The following PLXDC2 variants were observed in gnomAD, a reference collection of about 807,000 sequenced individuals.
The protein encoded by PLXDC2 is plexin domain-containing protein 2.
Under a neutral mutation model 68.9 loss-of-function variants are expected in PLXDC2, and 40 were observed. The ratio of observed to expected loss-of-function variants is 0.58; its 90% CI spans 0.45 to 0.76. The LOEUF is 0.76. PLXDC2 is among the 30% of genes least tolerant of loss of function. The pLI is 0.00. For missense variants in PLXDC2, 644 were observed against 661.9 expected (o/e 0.97, Z 0.30); for synonymous variants, 243 against 234.2 (o/e 1.04, Z -0.34).
At chr10:19,955,155 A>G (rs1460014636) in intron 1 of PLXDC2, among the ~76,000 whole-genome samples, 1 of 137,572 alleles carries the variant, frequency 7.3e-6, no homozygotes, top group Non-Finnish European at 1.5e-5. Flanking sequence ...TCTTCTGAGT[A>G]GCTGGGACTA....
intron 4 of PLXDC2, among the ~76,000 whole-genome samples, chr10:20,140,651 T>A (rs1410912534): frequency 1.3e-5 from 2 of 152,070 alleles, no homozygotes; most frequent in Non-Finnish European, 1.5e-5. Flanking sequence ...GAAGTGATAT[T>A]TTTAAAATCT....
At chr10:20,239,703 G>A (rs999249854) in intron 12 of PLXDC2, among the ~76,000 whole-genome samples, 1 of 152,148 alleles carries the variant, frequency 6.6e-6, no homozygotes, top group Non-Finnish European at 1.5e-5. Context: ...TGAGAAGTTT[G>A]TCCCTGAAGC....
chr10:20,179,359 G>A (rs1042098341), intron 9 of PLXDC2, among the ~76,000 whole-genome samples: 1 of 152,014 alleles, frequency 6.6e-6, no homozygotes, highest in Admixed American at 6.6e-5. Context: ...TATCTCCAGA[G>A]CCTAAGAACA....
At chr10:20,175,564 T>G (rs1396265910) in intron 7 of PLXDC2, among the ~76,000 whole-genome samples, 1 of 151,926 alleles carries the variant, frequency 6.6e-6, no homozygotes, top group African/African-American at 2.4e-5. Context: ...TGCATTGGAG[T>G]AGGCCTGTAA....
intron 1 of PLXDC2, among the ~76,000 whole-genome samples, chr10:19,844,645 G>T (rs1469158708): frequency 2.0e-5 from 3 of 151,602 alleles, no homozygotes; most frequent in Admixed American, 1.3e-4. Flanking sequence ...GTCTGGGCTG[G>T]AGTGCAGTGG....
chr10:20,047,121 A>G, intron 3 of PLXDC2, 106 bp downstream of exon 3: 1 of 1,198,402 alleles, frequency 8.3e-7, no homozygotes, highest in Admixed American at 3.1e-5. Flanking sequence ...AAATATTAGA[A>G]TGGCCTTATC....
chr10:20,003,228 AC>A (rs1219177985), intron 2 of PLXDC2, among the ~76,000 whole-genome samples: 1 of 152,154 alleles, frequency 6.6e-6, no homozygotes, highest in Non-Finnish European at 1.5e-5. Flanking sequence ...AAAAGCGAAG[AC>A]CACCCAAATG....
At chr10:20,073,684 T>C (rs1449884740) in intron 4 of PLXDC2, among the ~76,000 whole-genome samples, 1 of 152,214 alleles carries the variant, frequency 6.6e-6, no homozygotes, top group Non-Finnish European at 1.5e-5. Flanking sequence ...TACTTCAGAA[T>C]ACAAATATTT....
rs1445793080 is a variant in PLXDC2, at chr10:20,077,914, GTTC to G, written c.541+9683_541+9685del. The stretch of plus-strand genomic sequence containing the variant: ...CTGAAAAAACATTTTTTTCTCTCTT[GTTC>G]TTCTTCTCCTCCTCCTTCTCCCCTT... On this transcript the variant is annotated intron_variant, in intron 4 of 13. Coordinates refer to ENST00000377252, the MANE Select transcript of PLXDC2 (RefSeq NM_032812.9). Among the ~76,000 whole-genome samples the G allele has an allele frequency of 3.9e-5, 6 of 152,038 alleles. No individual in the cohort carries two copies. In the East Asian group the frequency reaches 7.7e-4, roughly 20 times the overall value.
chr10:20,215,367 G>A (rs1564356260), intron 10 of PLXDC2, among the ~76,000 whole-genome samples: 1 of 152,086 alleles, frequency 6.6e-6, no homozygotes, highest in Non-Finnish European at 1.5e-5. Context: ...GGAAAGCTGG[G>A]AGTCTGAGAA....
rs1834528183 is a variant in PLXDC2, at chr10:20,176,419, T to C, written c.884-580T>C. Among the ~76,000 whole-genome samples the C allele has an allele frequency of 3.9e-5, 6 of 152,178 alleles. No homozygotes were observed. In the South Asian group the frequency reaches 1.2e-3, roughly 32 times the overall value. On this transcript the variant is annotated intron_variant, in intron 7 of 13. Coordinates refer to ENST00000377252, the MANE Select transcript of PLXDC2 (RefSeq NM_032812.9). ...GTGTGTGTGTGTGTGTGTGTGTCTG[T>C]CGTGAGAACACTTAAAAATCTATTC...
chr10:20,269,673 A>G (rs1340823069), intron 13 of PLXDC2, among the ~76,000 whole-genome samples: 1 of 152,162 alleles, frequency 6.6e-6, no homozygotes, highest in Non-Finnish European at 1.5e-5. Flanking sequence ...GACAAACCAC[A>G]GAAGCTAACT....
At chr10:20,188,232 C>T (rs1589671702) in intron 9 of PLXDC2, among the ~76,000 whole-genome samples, 1 of 151,612 alleles carries the variant, frequency 6.6e-6, no homozygotes, top group Non-Finnish European at 1.5e-5. Context: ...ACTTTGTATT[C>T]ATTAACAAAC....
At chr10:20,134,135 T>C (rs1216694820) in intron 4 of PLXDC2, among the ~76,000 whole-genome samples, 1 of 152,220 alleles carries the variant, frequency 6.6e-6, no homozygotes, top group Non-Finnish European at 1.5e-5. Flanking sequence ...CAGTTAGTTT[T>C]GTACTTGTGT....
intron 9 of PLXDC2, among the ~76,000 whole-genome samples, chr10:20,199,310 T>C (rs2131846308): frequency 6.6e-6 from 1 of 152,000 alleles, no homozygotes; most frequent in South Asian, 2.1e-4. Context: ...AACATAAAAA[T>C]ATGCTAAACA....
intron 1 of PLXDC2, among the ~76,000 whole-genome samples, chr10:19,981,011 G>A (rs2131619803): frequency 6.6e-6 from 1 of 152,280 alleles, no homozygotes; most frequent in African/African-American, 2.4e-5. Context: ...TTTCAATAGG[G>A]AGAATTGGTG....
intron 1 of PLXDC2, among the ~76,000 whole-genome samples, chr10:19,955,834 C>T (rs899028397): frequency 6.6e-6 from 1 of 152,150 alleles, no homozygotes; most frequent in Non-Finnish European, 1.5e-5. Context: ...AATTTCAGCA[C>T]TTTGGGAGGC....
At chr10:19,966,083 T>G (rs763083014) in intron 1 of PLXDC2, among the ~76,000 whole-genome samples, 4 of 151,510 alleles carry the variant, frequency 2.6e-5, no homozygotes, top group Non-Finnish European at 5.9e-5. Flanking sequence ...ACTATAGAAC[T>G]GCAGGTACTA....
intron 2 of PLXDC2, among the ~76,000 whole-genome samples, chr10:20,012,574 C>T (rs187818406): frequency 1.3e-5 from 2 of 151,850 alleles, no homozygotes; most frequent in African/African-American, 4.8e-5. Flanking sequence ...GATCCATCCA[C>T]CTTGGCCTCC....
Sources: allele counts gnomAD v4.1 joint callset (sites outside exome capture counted in the v4.1 genomes callset), GRCh38; gene constraint gnomAD v4.1.1; transcripts MANE v1.5; gene names NCBI Gene and HGNC (gene_info 2026-07-23, HGNC 2026-07-21).